The following LCTL variants were observed in gnomAD, a reference collection of about 807,000 sequenced individuals.
LCTL encodes the protein lactase-like protein.
Under a neutral mutation model 75.8 loss-of-function variants are expected in LCTL, and 76 were observed. That is an observed-to-expected ratio of 1.00 (90% CI 0.83 to 1.21). The LOEUF is 1.21. LCTL is among the 50% of genes most tolerant of loss of function. The probability of loss-of-function intolerance (pLI) is 0.00; values close to 1 mark genes in which losing one functional copy is unlikely to be tolerated. For synonymous variants in LCTL, 271 were observed against 268.8 expected, an observed-to-expected ratio of 1.01 and a Z score of -0.08; for missense variants, 670 against 712.4, an observed-to-expected ratio of 0.94 and a Z score of 0.68.
chr15:66,553,127 T>C (rs778295491), exon 9 of LCTL: 2 of 1,612,106 alleles, frequency 1.2e-6, no homozygotes, highest in South Asian at 1.1e-5. Flanking sequence ...GGGTAGTTCC[T>C]TTCCGTGATG....
chr15:66,554,030 A>G (rs1430451386), intron 8 of LCTL, among the ~76,000 whole-genome samples: 2 of 151,362 alleles, frequency 1.3e-5, no homozygotes. Flanking sequence ...GGTGGCTCAA[A>G]CCTGTAATTC....
rs113683407 is a variant in LCTL at position 66,560,086 on chromosome 15, CA to C, written c.705+919del. ...TGGGTGACAGAGCAAGACTCAGTCT[CA>C]AAAAAAAAAAATCTTGAGAGCTCTG... On this transcript the variant is annotated intron_variant, in intron 6 of 12. Coordinates refer to ENST00000341509, the Ensembl canonical transcript of LCTL. Among the ~76,000 whole-genome samples the C allele has an allele frequency of 1.4e-3, 196 of 140,394 alleles. 1 individual carries two copies. Among genetic ancestry groups the C allele is most frequent in the Admixed American group, 2.4e-3 (34 of 14,042 alleles). The allele number at this position is 140,394 out of a possible 152,430, so 92.1% of individuals were successfully genotyped here.
At chr15:66,563,200 T>G (rs959101199) in intron 4 of LCTL, among the ~76,000 whole-genome samples, 18 of 152,176 alleles carry the variant, frequency 1.2e-4, no homozygotes, top group Admixed American at 7.2e-4. Context: ...GGCATCATCT[T>G]GGAAGCAGAG....
chr15:66,552,950 A>C (rs1194115733), intron 9 of LCTL, 34 bp downstream of exon 10: 3 of 1,424,080 alleles, frequency 2.1e-6, no homozygotes, highest in South Asian at 3.5e-5. Context: ...ATTCAAGTCT[A>C]AATGTCCTTT....
At position 66,562,956 on chromosome 15, in the gene LCTL, A is replaced by G. The variant is rs11853669; in HGVS notation, c.480+560T>C. On this transcript the variant is annotated intron_variant, in intron 4 of 12. Coordinates refer to ENST00000341509, the Ensembl canonical transcript of LCTL. ...TTTTATGCCAAGTTTTTTAGAAAAC[A>G]AAAGGATTCACTCTTTTCACTTACT... Among the ~76,000 whole-genome samples the G allele has an allele frequency of 9.6e-4, 146 of 152,352 alleles. 1 individual carries two copies. Among genetic ancestry groups the G allele is most frequent in the African/African-American group, 3.3e-3 (139 of 41,584 alleles).
intron 1 of LCTL, 54 bp from the exon 3 acceptor site, chr15:66,564,893 C>A: frequency 4.5e-6 from 7 of 1,546,692 alleles, no homozygotes; most frequent in Non-Finnish European, 6.1e-6. Context: ...TCACCCAGAG[C>A]CAGGACTCTG....
chr15:66,563,921 T>A lies in LCTL; in HGVS notation c.360A>T (p.Thr120=), dbSNP rs994305126. Reference sequence around the variant, plus strand: ...GCTTCCCTAGCTCACCTCGGATGCCTGTGGGCAGGAGCCGGGGCCAAGACA... The same window carrying A: ...GCTTCCCTAGCTCACCTCGGATGCCAGTGGGCAGGAGCCGGGGCCAAGACA... The change falls in exon 3 of 13, where the codon ACA becomes ACT. Residue 120 remains threonine, a synonymous_variant. Coordinates refer to ENST00000341509, the Ensembl canonical transcript of LCTL. The A allele has an allele frequency of 8.1e-6, 13 of 1,613,802 alleles. No homozygotes were observed. In the Admixed American group the frequency reaches 1.8e-4, roughly 23 times the overall value.
exon 1 of LCTL, chr15:66,565,300 G>A: frequency 6.2e-7 from 1 of 1,613,850 alleles, no homozygotes; most frequent in South Asian, 1.1e-5. Context: ...ACCCCTTCCG[G>A]GCGGCCCCCA....
At chr15:66,564,055 G>T in intron 2 of LCTL, 57 bp from the exon 4 acceptor site, 1 of 1,147,038 alleles carries the variant, frequency 8.7e-7, no homozygotes, top group Non-Finnish European at 1.3e-6. Context: ...GGGAGGTAGG[G>T]GTCCATCGGG....
At chr15:66,560,918 G>C in intron 6 of LCTL, 88 bp downstream of exon 7, 1 of 1,136,246 alleles carries the variant, frequency 8.8e-7, no homozygotes, top group Non-Finnish European at 1.3e-6. Flanking sequence ...CGGAGGTGGA[G>C]CGGCAGAGGA....
At chr15:66,554,060 G>C (rs1395393379) in intron 8 of LCTL, among the ~76,000 whole-genome samples, 1 of 152,030 alleles carries the variant, frequency 6.6e-6, no homozygotes, top group Non-Finnish European at 1.5e-5. Context: ...GGGAGGCCGA[G>C]GGGGGCAGAT....
chr15:66,565,396 G>A lies in LCTL; in HGVS notation c.-31C>T. 7.0e-7 allele frequency: 1 copy of A among 1,430,670 alleles called. No homozygotes were observed. The highest frequency in any genetic ancestry group is 1.4e-5 in the African/African-American group (1 of 70,182). The allele number at this position is 1,430,670 out of a possible 1,614,324, so 88.6% of individuals were successfully genotyped here. A position where few individuals can be genotyped will look rare whatever the true frequency, so the allele number is the denominator to read the frequency against. ...CTGGCCCTCCCCCATACCTGAAAAA[G>A]TGCAGCTGGCTCTGCAGGCCCCTGC... On this transcript the variant is annotated 5_prime_UTR_variant, in exon 1 of 13. Coordinates refer to ENST00000341509, the Ensembl canonical transcript of LCTL.
chr15:66,564,801 C>T, exon 2 of LCTL: 1 of 1,613,418 alleles, frequency 6.2e-7, no homozygotes, highest in Non-Finnish European at 8.5e-7. Flanking sequence ...CAGGCGCCCT[C>T]CGTCTGGTAG....
chr15:66,551,905 TAGAA>T (rs750817931), intron 10 of LCTL, 44 bp from the exon 12 acceptor site: 1 of 1,543,748 alleles, frequency 6.5e-7, no homozygotes, highest in South Asian at 1.2e-5. Flanking sequence ...TTCATTTACT[TAGAA>T]AAATAAAACT....
intron 4 of LCTL, 41 bp downstream of exon 5, chr15:66,563,475 T>C (rs1314114061): frequency 6.9e-7 from 1 of 1,446,104 alleles, no homozygotes; most frequent in South Asian, 1.2e-5. Flanking sequence ...TCCTGCTTAG[T>C]TGAGTCCCCT....
At chr15:66,562,196 A>T (rs1895905238) in intron 4 of LCTL, among the ~76,000 whole-genome samples, 2 of 152,184 alleles carry the variant, frequency 1.3e-5, no homozygotes, top group Admixed American at 1.3e-4. Context: ...TGAAGACAGG[A>T]GTTCGAGACC....
intron 12 of LCTL, 37 bp downstream of exon 13, chr15:66,550,004 A>C: frequency 7.1e-7 from 1 of 1,417,288 alleles, no homozygotes; most frequent in Non-Finnish European, 9.6e-7. Context: ...TATTTAGTTT[A>C]ATTATTAAAG....
At chr15:66,559,429 C>T (rs933577745) in intron 6 of LCTL, among the ~76,000 whole-genome samples, 5 of 152,164 alleles carry the variant, frequency 3.3e-5, no homozygotes, top group Admixed American at 6.5e-5. Flanking sequence ...CTCTTCAGGC[C>T]GGGTGCGGTG....
intron 3 of LCTL, 41 bp from the exon 5 acceptor site, chr15:66,563,666 CGGCCTT>C: frequency 6.8e-7 from 1 of 1,464,430 alleles, no homozygotes; most frequent in Non-Finnish European, 9.5e-7. Context: ...GAAAGGACCT[CGGCCTT>C]GGCCTTGGCC....
Sources: gnomAD v4.1 joint callset for allele counts (sites outside exome capture counted in the v4.1 genomes callset) on GRCh38, gnomAD v4.1.1 for gene constraint, MANE v1.5 for transcripts, NCBI Gene and HGNC (gene_info 2026-07-23, HGNC 2026-07-21) for gene names.